AIDA: variants seen among roughly 807,000 people sequenced by gnomAD.
The protein encoded by AIDA is axin interactor, dorsalization associated, also known as axin interactor, dorsalization-associated protein.
AIDA carries 18 observed loss-of-function variants against 42.7 expected under a neutral mutation model. The observed-to-expected ratio is 0.42, with a 90% CI of 0.29 to 0.63. AIDA has a LOEUF of 0.63. Ranked by LOEUF, AIDA falls within the 20% of genes least tolerant of loss-of-function variation. The pLI is 0.19. For synonymous variants in AIDA, 104 were observed against 122.9 expected (o/e 0.85, Z 1.02); for missense variants, 250 against 354.1 (o/e 0.71, Z 2.36).
intron 4 of AIDA, among the ~76,000 whole-genome samples, chr1:222,690,253 G>C (rs914473045): frequency 3.3e-5 from 5 of 152,092 alleles, no homozygotes; most frequent in African/African-American, 9.7e-5. Context: ...TCACAAAGAG[G>C]GATTTATCCT....
intron 6 of AIDA, among the ~76,000 whole-genome samples, chr1:222,681,588 G>C (rs1231011239): frequency 6.6e-6 from 1 of 152,208 alleles, no homozygotes; most frequent in African/African-American, 2.4e-5. Flanking sequence ...GCTTGAACCA[G>C]GGAGGCAGAG....
intron 1 of AIDA, 99 bp downstream of exon 1, chr1:222,712,109 G>C (rs1055793963): frequency 2.0e-6 from 3 of 1,527,458 alleles, no homozygotes; most frequent in Non-Finnish European, 2.7e-6. Flanking sequence ...ACCCTGAGAA[G>C]CCTTGGCTGC....
chr1:222,705,588 T>C (rs1328739136), intron 1 of AIDA, among the ~76,000 whole-genome samples: 1 of 152,128 alleles, frequency 6.6e-6, no homozygotes, highest in African/African-American at 2.4e-5. Context: ...GAATCTTGCA[T>C]AAAAGTTATG....
intron 1 of AIDA, chr1:222,711,942 G>A: frequency 2.3e-6 from 1 of 431,954 alleles, no homozygotes; most frequent in East Asian, 5.2e-5. Context: ...TGGGGCCTGC[G>A]CCCCAGGAAA....
chr1:222,671,892 G>A (rs1664455744), intron 8 of AIDA, among the ~76,000 whole-genome samples: 1 of 152,198 alleles, frequency 6.6e-6, no homozygotes, highest in Non-Finnish European at 1.5e-5. Context: ...CTGAATAAAT[G>A]TGAATGATAA....
chr1:222,694,676 C>A (rs1159874537), intron 2 of AIDA, among the ~76,000 whole-genome samples: 1 of 152,176 alleles, frequency 6.6e-6, no homozygotes, highest in Admixed American at 6.5e-5. Context: ...AAGTCCAACA[C>A]CAACTTGTTT....
chr1:222,706,598 G>A (rs1423360295), intron 1 of AIDA, among the ~76,000 whole-genome samples: 1 of 152,130 alleles, frequency 6.6e-6, no homozygotes, highest in Admixed American at 6.5e-5. Flanking sequence ...CCGGCATGTG[G>A]TGGCTCATGC....
chr1:222,703,303 G>A, intron 1 of AIDA, 86 bp from the exon 2 acceptor site: 2 of 952,760 alleles, frequency 2.1e-6, no homozygotes, highest in Non-Finnish European at 3.1e-6. Context: ...TTTAACATGT[G>A]AAGTACAATT....
At chr1:222,675,696 G>T (rs1664531188) in intron 7 of AIDA, among the ~76,000 whole-genome samples, 3 of 152,192 alleles carry the variant, frequency 2.0e-5, no homozygotes, top group African/African-American at 7.2e-5. Flanking sequence ...CCTAATGCAG[G>T]AGGAATCGGG....
chr1:222,686,622 T>C (rs1249774037), intron 6 of AIDA, among the ~76,000 whole-genome samples: 1 of 152,176 alleles, frequency 6.6e-6, no homozygotes, highest in Non-Finnish European at 1.5e-5. Context: ...ATGCCTTTTC[T>C]GTTTGCTGAT....
At chr1:222,685,265 T>C (rs1335410895) in intron 6 of AIDA, among the ~76,000 whole-genome samples, 1 of 152,242 alleles carries the variant, frequency 6.6e-6, no homozygotes, top group East Asian at 1.9e-4. Flanking sequence ...TTATACTTAG[T>C]ATCTTGTTAA....
rs1343638055 is a variant in AIDA, at chr1:222,668,134, A to C, written c.*1759T>G. On this transcript the variant is annotated 3_prime_UTR_variant, in exon 10 of 10. Coordinates refer to ENST00000340020, the MANE Select transcript of AIDA (RefSeq NM_022831.4). ...TTTTGATATACATATCTTATGGTTT[A>C]TGAGAAAAGAGAAAAAATAATACAT... 1 of 152,164 alleles carries C rather than the reference A, an allele frequency of 6.6e-6. No homozygotes were observed. The highest frequency in any genetic ancestry group is 1.5e-5 in the Non-Finnish European group (1 of 68,026). The allele number at this position is 152,164 out of a possible 1,614,324, so 9.4% of individuals were successfully genotyped here. A position where few individuals can be genotyped will look rare whatever the true frequency, so the allele number is the denominator to read the frequency against.
At chr1:222,712,072 T>C in intron 1 of AIDA, 136 bp downstream of exon 1, 1 of 1,358,624 alleles carries the variant, frequency 7.4e-7, no homozygotes, top group Non-Finnish European at 1.0e-6. Flanking sequence ...TGGCGAGGGA[T>C]CTCAGCCCCA....
At chr1:222,705,418 G>A (rs2124969759) in intron 1 of AIDA, among the ~76,000 whole-genome samples, 1 of 152,258 alleles carries the variant, frequency 6.6e-6, no homozygotes, top group South Asian at 2.1e-4. Flanking sequence ...CTGAACTCAG[G>A]GAAGTTACAG....
intron 2 of AIDA, among the ~76,000 whole-genome samples, chr1:222,700,668 T>C (rs1202779801): frequency 2.0e-5 from 3 of 150,422 alleles, no homozygotes; most frequent in South Asian, 2.1e-4. Context: ...GGCAGGAGAA[T>C]GGCGTGAACC....
At chr1:222,685,897 T>C (rs1056288411) in intron 6 of AIDA, among the ~76,000 whole-genome samples, 5 of 152,244 alleles carry the variant, frequency 3.3e-5, no homozygotes, top group African/African-American at 1.2e-4. Context: ...CAATGGCTCA[T>C]GCCTGTAAAC....
chr1:222,686,126 AC>A (rs1655172199), intron 6 of AIDA, among the ~76,000 whole-genome samples: 1 of 152,184 alleles, frequency 6.6e-6, no homozygotes, highest in Non-Finnish European at 1.5e-5. Context: ...GTGCCACTGC[AC>A]TCCAGCTTGG....
At position 222,670,192 on chromosome 1, in the gene AIDA, G is replaced by A; in HGVS notation, c.765C>T (p.Thr255=). Residue 255 remains threonine (T), a synonymous_variant, in exon 9 of 10, where the codon ACC becomes ACT. Transcript: ENST00000340020. ...CCATCTCCATGAAAGCAAAACACTTGGTGCTGGTAAACCTTTTTTTAGGCT... is the reference window on the plus strand; with the variant it reads ...CCATCTCCATGAAAGCAAAACACTTAGTGCTGGTAAACCTTTTTTTAGGCT... ...HYKPKKRFTS[T]KCFAFMEMDE... is the part of the protein sequence containing the mutation. 4 of 1,614,032 alleles carry A rather than the reference G, an allele frequency of 2.5e-6. No homozygotes were observed. The highest frequency in any genetic ancestry group is 3.4e-6 in the Non-Finnish European group (4 of 1,179,974).
intron 2 of AIDA, among the ~76,000 whole-genome samples, chr1:222,695,371 A>G (rs953796213): frequency 1.3e-5 from 2 of 152,228 alleles, no homozygotes; most frequent in African/African-American, 2.4e-5. Context: ...ACATGCCTGT[A>G]GTCCCAGCTA....
Sources: allele counts gnomAD v4.1 joint callset (sites outside exome capture counted in the v4.1 genomes callset), GRCh38; gene constraint gnomAD v4.1.1; transcripts MANE v1.5; gene names NCBI Gene and HGNC (gene_info 2026-07-23, HGNC 2026-07-21).